Variants in CTNNA3 observed in about 807,000 individuals in gnomAD.
CTNNA3 encodes catenin alpha-3.
In CTNNA3, 76 loss-of-function variants were observed where a neutral mutation model predicts 95.7. The ratio of observed to expected loss-of-function variants is 0.79; its 90% CI spans 0.66 to 0.96. The LOEUF is 0.96. CTNNA3 is among the 40% of genes least tolerant of loss of function. CTNNA3 has a pLI of 0.00. For synonymous variants in CTNNA3, 431 were observed against 374.4 expected (o/e 1.15, Z -1.74); for missense variants, 1,191 against 1,089.8 (o/e 1.09, Z -1.31).
At chr10:67,189,246 G>A (rs1361456423) in intron 6 of CTNNA3, among the ~76,000 whole-genome samples, 1 of 151,984 alleles carries the variant, frequency 6.6e-6, no homozygotes, top group Non-Finnish European at 1.5e-5. Flanking sequence ...AATACCACAT[G>A]ATCTCACTTG....
chr10:67,470,037 T>C (rs1019207546), intron 5 of CTNNA3, among the ~76,000 whole-genome samples: 3 of 152,208 alleles, frequency 2.0e-5, no homozygotes, highest in African/African-American at 7.2e-5. Flanking sequence ...TAGGTCTTAT[T>C]CATTCTTTCT....
chr10:67,016,816 T>C (rs940023199), intron 7 of CTNNA3, among the ~76,000 whole-genome samples: 3 of 152,216 alleles, frequency 2.0e-5, no homozygotes, highest in African/African-American at 7.2e-5. Context: ...TTTTGACTTC[T>C]TTGATAATTT....
intron 7 of CTNNA3, among the ~76,000 whole-genome samples, chr10:66,869,983 A>G (rs1256909714): frequency 2.0e-5 from 3 of 152,192 alleles, no homozygotes; most frequent in Admixed American, 6.5e-5. Context: ...ATATTTCACA[A>G]CACTATATTC....
intron 7 of CTNNA3, among the ~76,000 whole-genome samples, chr10:66,950,118 A>G (rs1848463698): frequency 6.6e-6 from 1 of 152,160 alleles, no homozygotes; most frequent in South Asian, 2.1e-4. Context: ...TAATTTGCTC[A>G]AATTATTTCT....
At chr10:67,352,298 G>A (rs879913176) in intron 5 of CTNNA3, among the ~76,000 whole-genome samples, 14 of 151,836 alleles carry the variant, frequency 9.2e-5, no homozygotes, top group Non-Finnish European at 2.1e-4. Flanking sequence ...GATTTGAAGA[G>A]GCCATTCCTT....
At chr10:66,220,800 T>C (rs771443019) in intron 13 of CTNNA3, among the ~76,000 whole-genome samples, 2 of 152,102 alleles carry the variant, frequency 1.3e-5, no homozygotes, top group Non-Finnish European at 2.9e-5. Context: ...TCAAGCTGCT[T>C]CTCACCAACA....
At chr10:66,192,450 T>C (rs2086729949) in intron 13 of CTNNA3, among the ~76,000 whole-genome samples, 1 of 152,160 alleles carries the variant, frequency 6.6e-6, no homozygotes, top group Non-Finnish European at 1.5e-5. Context: ...TCCCGTCATT[T>C]TAATTTGGTA....
intron 9 of CTNNA3, among the ~76,000 whole-genome samples, chr10:66,635,474 G>C (rs1160378725): frequency 6.6e-6 from 1 of 152,074 alleles, no homozygotes; most frequent in Non-Finnish European, 1.5e-5. Context: ...CCAGTGACCT[G>C]ATTTCTCACA....
intron 7 of CTNNA3, among the ~76,000 whole-genome samples, chr10:67,125,391 A>AT (rs1859675490): frequency 6.6e-6 from 1 of 152,090 alleles, no homozygotes; most frequent in Admixed American, 6.6e-5. Flanking sequence ...CCCAAATCTC[A>AT]TTTTTTAAAA....
At chr10:66,496,875 A>G (rs1050047838) in intron 11 of CTNNA3, among the ~76,000 whole-genome samples, 2 of 152,110 alleles carry the variant, frequency 1.3e-5, no homozygotes, top group African/African-American at 4.8e-5. Flanking sequence ...ATTTTCTCAC[A>G]TTTCTGGAGG....
At chr10:67,726,611 A>C (rs1564841338) in intron 1 of CTNNA3, among the ~76,000 whole-genome samples, 1 of 17,746 alleles carries the variant, frequency 5.6e-5, no homozygotes, top group Non-Finnish European at 9.7e-5. Flanking sequence ...CATATTATAT[A>C]ATATATAATA....
chr10:66,744,132 C>G (rs1002321686), intron 9 of CTNNA3, among the ~76,000 whole-genome samples: 1 of 152,082 alleles, frequency 6.6e-6, no homozygotes, highest in Non-Finnish European at 1.5e-5. Flanking sequence ...CTATGAGCTT[C>G]TAAAATGATC....
At chr10:66,792,630 A>G (rs559506202) in intron 7 of CTNNA3, among the ~76,000 whole-genome samples, 1 of 152,310 alleles carries the variant, frequency 6.6e-6, no homozygotes, top group South Asian at 2.1e-4. Flanking sequence ...ACACAACTCT[A>G]TACAATCCAC....
At chr10:66,995,807 A>C (rs555528978) in intron 7 of CTNNA3, among the ~76,000 whole-genome samples, 12 of 152,290 alleles carry the variant, frequency 7.9e-5, no homozygotes, top group African/African-American at 2.2e-4. Flanking sequence ...GGTCTAATAC[A>C]AGCATTACTG....
intron 4 of CTNNA3, among the ~76,000 whole-genome samples, chr10:67,533,637 G>C (rs992114962): frequency 1.1e-4 from 16 of 152,146 alleles, no homozygotes; most frequent in African/African-American, 3.9e-4. Context: ...AAAGTGCCAT[G>C]TCAGGAATCC....
intron 11 of CTNNA3, among the ~76,000 whole-genome samples, chr10:66,426,961 T>A (rs1249372111): frequency 6.6e-6 from 1 of 152,068 alleles, no homozygotes; most frequent in East Asian, 1.9e-4. Flanking sequence ...CTCATTTATA[T>A]CATTCAAGTA....
chr10:66,628,610 G>C (rs950570650), intron 9 of CTNNA3, among the ~76,000 whole-genome samples: 1 of 152,118 alleles, frequency 6.6e-6, no homozygotes, highest in African/African-American at 2.4e-5. Context: ...ATTGGCAAAG[G>C]AGACTTGGGC....
chr10:66,919,259 G>A lies in CTNNA3; in HGVS notation c.1048-143735C>T, dbSNP rs572389002. On this transcript the variant is annotated intron_variant, in intron 7 of 17. Coordinates refer to ENST00000433211, the MANE Select transcript of CTNNA3 (RefSeq NM_013266.4). ...TCGACGAAATAAAATTAGCAAAATA[G>A]TAATAATTTTTGGAGTTGATATTTA... Among the ~76,000 whole-genome samples the A allele has an allele frequency of 5.9e-5, 9 of 151,834 alleles. No homozygotes were observed. In the South Asian group the frequency reaches 1.7e-3, roughly 28 times the overall value.
At chr10:67,086,571 C>T (rs1336092648) in intron 7 of CTNNA3, among the ~76,000 whole-genome samples, 1 of 151,898 alleles carries the variant, frequency 6.6e-6, no homozygotes, top group Non-Finnish European at 1.5e-5. Context: ...ATGTCAAAAA[C>T]GTAGTCTGTT....
Sources: gnomAD v4.1 joint callset for allele counts (sites outside exome capture counted in the v4.1 genomes callset) on GRCh38, gnomAD v4.1.1 for gene constraint, MANE v1.5 for transcripts, NCBI Gene and HGNC (gene_info 2026-07-23, HGNC 2026-07-21) for gene names.